Variants in CRB1 observed in about 807,000 individuals in gnomAD.
CRB1 encodes the protein crumbs cell polarity complex component 1, also known as protein crumbs homolog 1.
CRB1 carries 83 observed loss-of-function variants against 120.0 expected under a neutral mutation model. That is an observed-to-expected ratio of 0.69 (90% CI 0.58 to 0.83). The LOEUF is 0.83. CRB1 is among the 40% of genes least tolerant of loss of function. The probability of loss-of-function intolerance (pLI) is 0.00; values close to 1 mark genes in which losing one functional copy is unlikely to be tolerated. For synonymous variants in CRB1, 625 were observed against 612.5 expected (o/e 1.02, Z -0.30); for missense variants, 1,699 against 1,687.6 (o/e 1.01, Z -0.12).
At chr1:197,457,783 G>GT (rs1262654127) in intron 11 of CRB1, among the ~76,000 whole-genome samples, 3 of 152,058 alleles carry the variant, frequency 2.0e-5, no homozygotes, top group Non-Finnish European at 4.4e-5. Flanking sequence ...TCCTTGACAT[G>GT]TTTTTTTGTA....
intron 1 of CRB1, among the ~76,000 whole-genome samples, chr1:197,295,477 G>C (rs1234193103): frequency 6.6e-6 from 1 of 152,014 alleles, no homozygotes; most frequent in Admixed American, 6.6e-5. Flanking sequence ...GTAGGATATA[G>C]ATTCCGCAAG....
At chr1:197,376,925 G>A (rs1661679257) in intron 5 of CRB1, among the ~76,000 whole-genome samples, 1 of 152,082 alleles carries the variant, frequency 6.6e-6, no homozygotes, top group East Asian at 1.9e-4. Context: ...ACTGTAGCTA[G>A]GCTGGGGGTC....
At chr1:197,201,536 A>G in the CRB1 span, among the ~76,000 whole-genome samples, 1 of 152,228 alleles carries the variant, frequency 6.6e-6, no homozygotes, top group East Asian at 1.9e-4. Context: ...TACACGCCGA[A>G]TCCGTTACTC....
intron 5 of CRB1, among the ~76,000 whole-genome samples, chr1:197,369,780 T>C (rs544524132): frequency 6.6e-6 from 1 of 152,324 alleles, no homozygotes; most frequent in Non-Finnish European, 1.5e-5. Flanking sequence ...CTTCTCTCTG[T>C]ATGCTGAAGA....
At chr1:197,381,255 A>G (rs1461829194) in intron 5 of CRB1, among the ~76,000 whole-genome samples, 2 of 152,210 alleles carry the variant, frequency 1.3e-5, no homozygotes, top group African/African-American at 2.4e-5. Context: ...TGGGAGAATA[A>G]GAGAATTTTT....
At chr1:197,366,623 T>G (rs961546741) in intron 5 of CRB1, among the ~76,000 whole-genome samples, 1 of 152,042 alleles carries the variant, frequency 6.6e-6, no homozygotes, top group Non-Finnish European at 1.5e-5. Flanking sequence ...GAGTTAGAAA[T>G]AGAGAGAGCA....
chr1:197,367,610 C>A (rs947895279), intron 5 of CRB1, among the ~76,000 whole-genome samples: 4 of 152,166 alleles, frequency 2.6e-5, no homozygotes, highest in Non-Finnish European at 5.9e-5. Flanking sequence ...CATTTCATTT[C>A]TATTTATCAA....
At chr1:197,312,360 T>C (rs1176006138) in intron 1 of CRB1, among the ~76,000 whole-genome samples, 1 of 152,118 alleles carries the variant, frequency 6.6e-6, no homozygotes, top group Non-Finnish European at 1.5e-5. Context: ...GGTCAGGAGT[T>C]AGAGATAAGC....
At chr1:197,215,281 T>C in the CRB1 span, among the ~76,000 whole-genome samples, 1 of 150,834 alleles carries the variant, frequency 6.6e-6, no homozygotes, top group South Asian at 2.1e-4. Flanking sequence ...GGAGATTTTT[T>C]TTTTTTTTTT....
chr1:197,470,535 G>A (rs116028965), intron 11 of CRB1, among the ~76,000 whole-genome samples: 29 of 152,320 alleles, frequency 1.9e-4, no homozygotes, highest in African/African-American at 6.5e-4. Context: ...GCTGGGATTT[G>A]GTTCTTGTAT....
chr1:197,445,995 G>T (rs1314022158), intron 11 of CRB1, among the ~76,000 whole-genome samples: 1 of 152,050 alleles, frequency 6.6e-6, no homozygotes, highest in African/African-American at 2.4e-5. Context: ...TTCAAGATCA[G>T]CCTGACAAAC....
chr1:197,323,642 T>C (rs1658328931), intron 1 of CRB1, among the ~76,000 whole-genome samples: 1 of 152,146 alleles, frequency 6.6e-6, no homozygotes, highest in Admixed American at 6.5e-5. Flanking sequence ...TTTTTCATGA[T>C]TGACAGTGAG....
chr1:197,317,700 C>A (rs1291570294), intron 1 of CRB1, among the ~76,000 whole-genome samples: 4 of 152,226 alleles, frequency 2.6e-5, no homozygotes, highest in Non-Finnish European at 5.9e-5. Flanking sequence ...CCTGCATCTA[C>A]GGCCCACTAA....
rs762177939 is a variant in CRB1 at position 197,328,848 on chromosome 1, G to C, written c.497G>C (p.Gly166Ala). 2 of 1,610,244 alleles carry C rather than the reference G, an allele frequency of 1.2e-6. No homozygotes were observed. The highest frequency in any genetic ancestry group is 1.7e-6 in the Non-Finnish European group (2 of 1,176,334). The change falls in exon 2 of 12, where the codon GGA becomes GCA. Residue 166 changes from glycine to alanine, a missense_variant. By Grantham distance (60) the Gly-to-Ala change is moderately conservative. Transcript: ENST00000367400. Reference protein sequence around the residue: ...PCQNGAVCQDGIDGYSCFCVP... With the variant: ...PCQNGAVCQDAIDGYSCFCVP... The stretch of plus-strand genomic sequence containing the variant: ...CAAAATGGGGCCGTGTGCCAGGATG[G>C]AATTGATGGTTACTCCTGCTTCTGT...
intron 1 of CRB1, among the ~76,000 whole-genome samples, chr1:197,314,093 A>G (rs1213230837): frequency 6.6e-6 from 1 of 152,190 alleles, no homozygotes; most frequent in Non-Finnish European, 1.5e-5. Context: ...TTTGGCCATT[A>G]TTAATTCAGA....
At position 197,435,218 on chromosome 1, in the gene CRB1, A is replaced by C. The variant is rs1160170943; in HGVS notation, c.3355A>C (p.Lys1119Gln). The C allele has an allele frequency of 1.9e-6, 3 of 1,613,932 alleles. No individual in the cohort carries two copies. The highest frequency in any genetic ancestry group is 8.5e-7 in the Non-Finnish European group (1 of 1,179,860). Reference protein sequence around the residue: ...YFENVHGFINKPQEEQFLKIS... With the variant: ...YFENVHGFINQPQEEQFLKIS... ...TGAAAATGTTCATGGTTTCATTAAT[A>C]AACCTCAGGAAGAGCAATTTCTCAA... Residue 1119 changes from lysine to glutamine, a missense_variant, in exon 9 of 12, where the codon AAA becomes CAA. Physicochemically the swap from Lys to Gln is moderately conservative, Grantham distance 53. Coordinates refer to ENST00000367400, the MANE Select transcript of CRB1 (RefSeq NM_201253.3).
At chr1:197,274,265 C>A (rs12131184) in intron 1 of CRB1, among the ~76,000 whole-genome samples, 24,635 of 152,060 alleles carry the variant, frequency 0.16, 2,256 homozygotes, top group Middle Eastern at 0.24. Context: ...CTATGGGAAA[C>A]AACTTTAACT....
In CRB1 at chr1:197,328,351, G is replaced by T. The variant is rs548468838; in HGVS notation, c.71-71G>T. On this transcript the variant is annotated intron_variant, in intron 1 of 11. Coordinates refer to ENST00000367400, the MANE Select transcript of CRB1 (RefSeq NM_201253.3). ...TGAGTTTGGTTGAGGCAGCACAAAGGTCACAAAGAAAGATTTTTAACTTTG... is the reference window on the plus strand; with the variant it reads ...TGAGTTTGGTTGAGGCAGCACAAAGTTCACAAAGAAAGATTTTTAACTTTG... The T allele has an allele frequency of 2.5e-4, 321 of 1,292,896 alleles. 3 individuals carry two copies. Among genetic ancestry groups the T allele is most frequent in the African/African-American group, 1.8e-3 (123 of 67,830 alleles). 80.1% of individuals were successfully genotyped at this position (1,292,896 alleles called of 1,614,324 possible).
chr1:197,331,583 G>A (rs1159945900), intron 2 of CRB1, among the ~76,000 whole-genome samples: 1 of 152,002 alleles, frequency 6.6e-6, no homozygotes, highest in African/African-American at 2.4e-5. Context: ...AAATTTTTGT[G>A]GGGCTGGCTT....
Sources: allele counts gnomAD v4.1 joint callset (sites outside exome capture counted in the v4.1 genomes callset), GRCh38; gene constraint gnomAD v4.1.1; transcripts MANE v1.5; gene names NCBI Gene and HGNC (gene_info 2026-07-23, HGNC 2026-07-21).